FMN2: variants seen among roughly 807,000 people sequenced by gnomAD.
The protein encoded by FMN2 is formin-2.
FMN2 carries 51 observed loss-of-function variants against 142.3 expected under a neutral mutation model. The ratio of observed to expected loss-of-function variants is 0.36; its 90% CI spans 0.29 to 0.45. The LOEUF is 0.45. Ranked by LOEUF, FMN2 falls within the 20% of genes least tolerant of loss-of-function variation. FMN2 has a pLI of 1.00. For synonymous variants in FMN2, 882 were observed against 869.8 expected, an observed-to-expected ratio of 1.01 and a Z score of -0.25; for missense variants, 1,936 against 2,122.8, an observed-to-expected ratio of 0.91 and a Z score of 1.73.
At chr1:240,177,716 G>T in intron 2 of FMN2, 1 of 364,894 alleles carries the variant, frequency 2.7e-6, no homozygotes, top group Non-Finnish European at 4.7e-6. Context: ...AGGCAAATGT[G>T]GTTATAAAGA....
intron 3 of FMN2, among the ~76,000 whole-genome samples, chr1:240,184,279 C>A (rs7548811): frequency 2.9e-5 from 4 of 137,292 alleles, no homozygotes; most frequent in South Asian, 2.4e-4. Flanking sequence ...CTCTGTCGCC[C>A]AGGCTGGAGT....
At chr1:240,446,407 G>A (rs1330529631) in intron 16 of FMN2, among the ~76,000 whole-genome samples, 1 of 152,206 alleles carries the variant, frequency 6.6e-6, no homozygotes, top group Admixed American at 6.5e-5. Context: ...TGAGTGTGTA[G>A]ACACTTGTAA....
intron 6 of FMN2, among the ~76,000 whole-genome samples, chr1:240,242,515 G>T (rs1278607301): frequency 6.6e-6 from 1 of 152,136 alleles, no homozygotes; most frequent in Non-Finnish European, 1.5e-5. Context: ...CAAGAAGATG[G>T]TGTCAGGAGA....
At chr1:240,310,732 C>T (rs918921163) in intron 8 of FMN2, among the ~76,000 whole-genome samples, 2 of 152,024 alleles carry the variant, frequency 1.3e-5, no homozygotes, top group African/African-American at 4.8e-5. Flanking sequence ...GCAAAGTGAG[C>T]TTGTGAGGTG....
At chr1:240,120,467 G>T (rs1283537200) in intron 1 of FMN2, among the ~76,000 whole-genome samples, 1 of 152,144 alleles carries the variant, frequency 6.6e-6, no homozygotes, top group Non-Finnish European at 1.5e-5. Context: ...TTCTGACTAT[G>T]ATATGAATGA....
At position 240,294,097 on chromosome 1, in the gene FMN2, T is replaced by A. The variant is rs1669885638; in HGVS notation, c.4154-725T>A. Among the ~76,000 whole-genome samples the A allele has an allele frequency of 2.0e-5, 3 of 152,192 alleles. No homozygotes were observed. In the South Asian group the frequency reaches 6.2e-4, roughly 31 times the overall value. ...ACCTTGTTTCTACCAAATATCCATG[T>A]AGAAAACACAGAATGATTTGTATTA... On this transcript the variant is annotated intron_variant, in intron 7 of 17. Coordinates refer to ENST00000319653, the MANE Select transcript of FMN2 (RefSeq NM_020066.5).
chr1:240,287,757 C>T (rs1297705613), intron 7 of FMN2, among the ~76,000 whole-genome samples: 1 of 152,134 alleles, frequency 6.6e-6, no homozygotes, highest in Non-Finnish European at 1.5e-5. Flanking sequence ...TGAGTGTTTG[C>T]TTTGTGCGTG....
chr1:240,228,351 G>GA (rs1558380626), intron 6 of FMN2, among the ~76,000 whole-genome samples: 6 of 43,994 alleles, frequency 1.4e-4, no homozygotes, highest in Non-Finnish European at 1.7e-4. Context: ...AAAAGAAAAA[G>GA]AAAGAAAAAA....
At chr1:240,332,741 C>T (rs1241272519) in intron 11 of FMN2, among the ~76,000 whole-genome samples, 1 of 152,136 alleles carries the variant, frequency 6.6e-6, no homozygotes, top group African/African-American at 2.4e-5. Context: ...TTGGTTCTTT[C>T]TCTGTAAAAC....
At chr1:240,114,656 CTTTTTTT>C (rs1219188121) in intron 1 of FMN2, among the ~76,000 whole-genome samples, 1 of 137,720 alleles carries the variant, frequency 7.3e-6, no homozygotes, top group African/African-American at 2.8e-5. Flanking sequence ...TATATCATTT[CTTTTTTT>C]TTTTTTTTTT....
chr1:240,331,277 A>AT (rs1193273690), intron 11 of FMN2, among the ~76,000 whole-genome samples: 1 of 152,050 alleles, frequency 6.6e-6, no homozygotes, highest in African/African-American at 2.4e-5. Context: ...GTGTAGGGGG[A>AT]TGTCTAAGCT....
chr1:240,321,065 A>G (rs888938189), intron 8 of FMN2, among the ~76,000 whole-genome samples: 2 of 152,228 alleles, frequency 1.3e-5, no homozygotes, highest in African/African-American at 2.4e-5. Context: ...TGAGGTGGGA[A>G]GTAAACATAA....
rs1571939007 is a variant in FMN2, at chr1:240,113,626, G to T, written c.1616-9553G>T. On this transcript the variant is annotated intron_variant, in intron 1 of 17. Transcript: ENST00000319653. Reference sequence around the variant, plus strand: ...AGGGCAGTCCATTCTCCCTAGTTTAGATTCAAGGCATCCTAATCCTATTTA... The same window carrying T: ...AGGGCAGTCCATTCTCCCTAGTTTATATTCAAGGCATCCTAATCCTATTTA... 2.0e-5 allele frequency among the ~76,000 whole-genome samples: 3 copies of T among 150,346 alleles called. No individual in the cohort carries two copies. The South Asian group carries it at 6.4e-4, about 32-fold the overall frequency.
intron 15 of FMN2, among the ~76,000 whole-genome samples, chr1:240,433,811 A>T (rs1018810102): frequency 6.6e-6 from 1 of 152,082 alleles, no homozygotes; most frequent in Admixed American, 6.6e-5. Flanking sequence ...GGTGGGTTTT[A>T]TGTCGTGAGG....
chr1:240,095,591 G>T (rs1430755102), intron 1 of FMN2, among the ~76,000 whole-genome samples: 1 of 152,098 alleles, frequency 6.6e-6, no homozygotes, highest in Non-Finnish European at 1.5e-5. Flanking sequence ...TATAGATATA[G>T]ACATGCAAAT....
rs140887701 is a variant in FMN2, at chr1:240,451,765, G to A, written c.5060+13555G>A. On this transcript the variant is annotated intron_variant, in intron 16 of 17. Coordinates refer to ENST00000319653, the MANE Select transcript of FMN2 (RefSeq NM_020066.5). The stretch of plus-strand genomic sequence containing the variant: ...GCAGCACCAGCAGTGAGACATGAAG[G>A]AAGTGTAGTGTTGGGTTTATTTTTA... Among the ~76,000 whole-genome samples, 223 of 152,178 alleles carry A rather than the reference G, an allele frequency of 1.5e-3. 1 individual carries two copies. The highest frequency in any genetic ancestry group is 6.8e-3 in the Admixed American group (104 of 15,286).
chr1:240,326,726 T>C (rs952568105), intron 8 of FMN2, among the ~76,000 whole-genome samples: 2 of 150,412 alleles, frequency 1.3e-5, no homozygotes, highest in Non-Finnish European at 3.0e-5. Context: ...TTTTTTTTTA[T>C]ATGAGGTTTT....
chr1:240,265,912 G>C (rs1383433997), intron 7 of FMN2, among the ~76,000 whole-genome samples: 1 of 119,370 alleles, frequency 8.4e-6, no homozygotes, highest in Non-Finnish European at 1.7e-5. Context: ...AACTTAAAGG[G>C]GTTTGTTTTT....
chr1:240,225,968 AC>A (rs1265770660), intron 6 of FMN2, among the ~76,000 whole-genome samples: 20 of 152,204 alleles, frequency 1.3e-4, no homozygotes, highest in African/African-American at 4.6e-4. Context: ...TAATCAGCAG[AC>A]TTGAACATAG....
Sources: gnomAD v4.1 joint callset for allele counts (sites outside exome capture counted in the v4.1 genomes callset) on GRCh38, gnomAD v4.1.1 for gene constraint, MANE v1.5 for transcripts, NCBI Gene and HGNC (gene_info 2026-07-23, HGNC 2026-07-21) for gene names.